The following CHRNA7 variants were observed in gnomAD, a reference collection of about 807,000 sequenced individuals.
The protein encoded by CHRNA7 is neuronal acetylcholine receptor subunit alpha-7.
CHRNA7 carries 17 observed loss-of-function variants against 48.0 expected under a neutral mutation model. The ratio of observed to expected loss-of-function variants is 0.35; its 90% CI spans 0.24 to 0.53. The LOEUF is 0.53. Among genes scored for constraint, CHRNA7 ranks in the 20% least tolerant of loss-of-function variants. The probability of loss-of-function intolerance (pLI) is 0.92; values close to 1 mark genes in which losing one functional copy is unlikely to be tolerated. For synonymous variants in CHRNA7, 75 were observed against 242.3 expected (o/e 0.31, Z 6.41); for missense variants, 155 against 577.7 (o/e 0.27, Z 7.50).
intron 2 of CHRNA7, among the ~76,000 whole-genome samples, chr15:32,058,989 C>T (rs1482916395): frequency 1.5e-4 from 22 of 147,440 alleles, no homozygotes; most frequent in Admixed American, 1.4e-3. Context: ...GGACCTGAAC[C>T]CAGGTCTTCT....
At chr15:32,102,824 A>G (rs540954590) in intron 3 of CHRNA7, 13 of 152,234 alleles carry the variant, frequency 8.5e-5, no homozygotes, top group Non-Finnish European at 1.8e-4. Context: ...ATGTTACTCA[A>G]TCTTTGAACT....
intron 4 of CHRNA7, chr15:32,153,591 G>A (rs1169872653): frequency 4.0e-5 from 18 of 454,928 alleles, no homozygotes; most frequent in Non-Finnish European, 6.9e-5. Flanking sequence ...CCATGAAAAT[G>A]TCACATCTGC....
chr15:32,135,137 T>A (rs975823300), intron 4 of CHRNA7, among the ~76,000 whole-genome samples: 1 of 152,254 alleles, frequency 6.6e-6, no homozygotes, highest in Non-Finnish European at 1.5e-5. Context: ...CAGGAGAGGC[T>A]GTGCCTGACA....
At chr15:32,050,016 C>G (rs2049636025) in intron 2 of CHRNA7, among the ~76,000 whole-genome samples, 1 of 152,240 alleles carries the variant, frequency 6.6e-6, no homozygotes, top group Non-Finnish European at 1.5e-5. Flanking sequence ...GAGAGATCCG[C>G]TGTTAGTCTG....
intron 2 of CHRNA7, among the ~76,000 whole-genome samples, chr15:32,086,739 G>C (rs963725187): frequency 1.3e-5 from 2 of 152,114 alleles, no homozygotes; most frequent in Admixed American, 1.3e-4. Context: ...ACAGTTTTGA[G>C]TAGGGCACTG....
rs1405383223 is a variant in CHRNA7, at chr15:32,149,687, T to C, written c.351-4220T>C. Among the ~76,000 whole-genome samples the C allele has an allele frequency of 6.6e-5, 10 of 152,212 alleles. No individual in the cohort carries two copies. Among genetic ancestry groups the C allele is most frequent in the Admixed American group, 6.5e-4 (10 of 15,280 alleles). On this transcript the variant is annotated intron_variant, in intron 4 of 9. Transcript: ENST00000306901. The surrounding 1 kb of genome is among the most constrained non-coding windows in gnomAD (Gnocchi z 4.6). ...ATAACATTTATGTGTTACAATTTCA[T>C]GTAGCTCAATATTCTGTTTGGATGA...
At chr15:32,045,563 G>A (rs1225450344) in intron 2 of CHRNA7, among the ~76,000 whole-genome samples, 2 of 151,248 alleles carry the variant, frequency 1.3e-5, no homozygotes, top group Non-Finnish European at 2.9e-5. Context: ...TTGAGACAGA[G>A]TCTCACTTTG....
Position 32,051,866 on chromosome 15 carries a change from G to A in CHRNA7, c.195+20829G>A, listed in dbSNP as rs151267317. Among the ~76,000 whole-genome samples the A allele has an allele frequency of 2.5e-3, 375 of 152,196 alleles. 18 individuals carry two copies. The East Asian group carries it at 0.06, about 24-fold the overall frequency. On this transcript the variant is annotated intron_variant, in intron 2 of 9. Transcript: ENST00000306901. ...TGATTTTTGTATTTTTAGTAGAGAC[G>A]GGGTTTCAAGACGTTCCCCAGGCTG...
At chr15:32,041,719 A>C (rs2049452606) in intron 2 of CHRNA7, among the ~76,000 whole-genome samples, 1 of 152,220 alleles carries the variant, frequency 6.6e-6, no homozygotes, top group Non-Finnish European at 1.5e-5. Context: ...TTTGCTTTTC[A>C]GTTTTCAAAA....
At chr15:32,126,061 C>A (rs555314449) in intron 4 of CHRNA7, among the ~76,000 whole-genome samples, 1 of 152,040 alleles carries the variant, frequency 6.6e-6, no homozygotes, top group Non-Finnish European at 1.5e-5. Flanking sequence ...ATGCTTCTCC[C>A]TGATACCTAG....
intron 4 of CHRNA7, among the ~76,000 whole-genome samples, chr15:32,129,038 C>G (rs1199187924): frequency 6.6e-6 from 1 of 151,818 alleles, no homozygotes; most frequent in Non-Finnish European, 1.5e-5. Context: ...TCCTTGGCAT[C>G]TTAATATGGT....
chr15:32,117,302 A>G (rs1458328126), intron 4 of CHRNA7, among the ~76,000 whole-genome samples: 6 of 152,190 alleles, frequency 3.9e-5, no homozygotes, highest in Non-Finnish European at 5.9e-5. Flanking sequence ...GCCTTCCATC[A>G]TAGGCTGAGA....
chr15:32,145,706 G>A (rs1311168175), intron 4 of CHRNA7, among the ~76,000 whole-genome samples: 3 of 152,190 alleles, frequency 2.0e-5, no homozygotes, highest in African/African-American at 4.8e-5. Context: ...GCAAGGCTCC[G>A]TGGGTGTGGG....
At chr15:32,072,529 T>C (rs534941154) in intron 2 of CHRNA7, among the ~76,000 whole-genome samples, 1 of 152,314 alleles carries the variant, frequency 6.6e-6, no homozygotes, top group South Asian at 2.1e-4. Context: ...CAAGCACTAA[T>C]AGCCAAGACA....
intron 2 of CHRNA7, among the ~76,000 whole-genome samples, chr15:32,059,603 G>A (rs916615193): frequency 1.3e-5 from 2 of 152,138 alleles, no homozygotes; most frequent in African/African-American, 4.8e-5. Flanking sequence ...GAGCATTACA[G>A]TGGGAAATTA....
intron 2 of CHRNA7, among the ~76,000 whole-genome samples, chr15:32,031,555 C>G (rs1045072922): frequency 6.6e-6 from 1 of 152,192 alleles, no homozygotes; most frequent in Non-Finnish European, 1.5e-5. Flanking sequence ...CACTGTGACC[C>G]CATCTTAGGA....
intron 2 of CHRNA7, among the ~76,000 whole-genome samples, chr15:32,034,113 A>G (rs898659090): frequency 6.6e-6 from 1 of 152,236 alleles, no homozygotes; most frequent in Non-Finnish European, 1.5e-5. Context: ...TAACATAAAT[A>G]TCTATACAAA....
chr15:32,040,581 C>T (rs183233079), intron 2 of CHRNA7, among the ~76,000 whole-genome samples: 2 of 122,520 alleles, frequency 1.6e-5, no homozygotes, highest in Non-Finnish European at 3.8e-5. Flanking sequence ...TTATAAGGTG[C>T]GTGTGTGTGT....
chr15:32,051,643 T>G (rs4779968), intron 2 of CHRNA7, among the ~76,000 whole-genome samples: 91,520 of 151,952 alleles, frequency 0.6, 31,664 homozygotes, highest in Non-Finnish European at 0.77. Context: ...TGGTGCATGG[T>G]GCGCTGCACC....
Sources: gnomAD v4.1 joint callset for allele counts (sites outside exome capture counted in the v4.1 genomes callset) on GRCh38, gnomAD v4.1.1 for gene constraint, Gnocchi (gnomAD v3.1) non-coding constraint, MANE v1.5 for transcripts, NCBI Gene and HGNC (gene_info 2026-07-23, HGNC 2026-07-21) for gene names.